COMMD10: variants seen among roughly 807,000 people sequenced by gnomAD.
COMMD10 encodes the protein COMM domain containing 10, also known as COMM domain-containing protein 10.
In COMMD10, 33 loss-of-function variants were observed where a neutral mutation model predicts 28.9. The observed-to-expected ratio is 1.14, with a 90% CI of 0.87 to 1.53. COMMD10 has a LOEUF of 1.53. Among genes scored for constraint, COMMD10 ranks in the 40% most tolerant of loss-of-function variants. The probability of loss-of-function intolerance (pLI) is 0.00; values close to 1 mark genes in which losing one functional copy is unlikely to be tolerated. For synonymous variants in COMMD10, 110 were observed against 81.7 expected, an observed-to-expected ratio of 1.35 and a Z score of -1.87; for missense variants, 310 against 233.4, an observed-to-expected ratio of 1.33 and a Z score of -2.14.
At chr5:116,174,588 G>A (rs1455214073) in intron 5 of COMMD10, among the ~76,000 whole-genome samples, 2 of 150,686 alleles carry the variant, frequency 1.3e-5, no homozygotes, top group Admixed American at 6.6e-5. Context: ...TGATGATGGT[G>A]GAGGTAGTGA....
At chr5:116,095,316 T>A (rs1195841597) in intron 4 of COMMD10, among the ~76,000 whole-genome samples, 1 of 152,216 alleles carries the variant, frequency 6.6e-6, no homozygotes, top group Non-Finnish European at 1.5e-5. Context: ...TATGTATTGA[T>A]TAACAAATAG....
At position 116,179,992 on chromosome 5, in the gene COMMD10, G is replaced by T. The variant is rs113918926; in HGVS notation, c.510+45814G>T. Among the ~76,000 whole-genome samples the T allele has an allele frequency of 2.0e-3, 311 of 151,934 alleles. 4 individuals are homozygous for T. Among genetic ancestry groups the T allele is most frequent in the African/African-American group, 7.1e-3 (293 of 41,444 alleles). ...AGAAATAAAATAACTTGGAAGGAGG[G>T]CTGGGATGAATTGAGGTTTTTTGTT... On this transcript the variant is annotated intron_variant, in intron 5 of 6. Coordinates refer to ENST00000274458, the MANE Select transcript of COMMD10 (RefSeq NM_016144.4).
chr5:116,249,125 T>C (rs1296340406), intron 5 of COMMD10, among the ~76,000 whole-genome samples: 1 of 151,982 alleles, frequency 6.6e-6, no homozygotes, highest in African/African-American at 2.4e-5. Context: ...GTCATATTTT[T>C]CATCATAAAT....
intron 5 of COMMD10, among the ~76,000 whole-genome samples, chr5:116,259,696 A>G (rs556083042): frequency 5.9e-5 from 9 of 151,840 alleles, no homozygotes; most frequent in Admixed American, 1.3e-4. Flanking sequence ...ACTGCAGGGC[A>G]AAAGAAGTGG....
At chr5:116,186,225 ATTGT>A (rs1748132320) in intron 5 of COMMD10, among the ~76,000 whole-genome samples, 1 of 152,132 alleles carries the variant, frequency 6.6e-6, no homozygotes, top group Non-Finnish European at 1.5e-5. Flanking sequence ...TTTTAAACAA[ATTGT>A]TTATTTTCAT....
At chr5:116,127,029 G>T (rs532830397) in intron 4 of COMMD10, among the ~76,000 whole-genome samples, 124 of 152,284 alleles carry the variant, frequency 8.1e-4, no homozygotes, top group African/African-American at 2.8e-3. Context: ...CTACCCAACT[G>T]ACAAAGGGCT....
intron 4 of COMMD10, among the ~76,000 whole-genome samples, chr5:116,108,748 C>G (rs575436943): frequency 1.2e-3 from 176 of 151,470 alleles, no homozygotes; most frequent in African/African-American, 4.1e-3. Flanking sequence ...AACAAACAAA[C>G]AAACTCCTGC....
intron 5 of COMMD10, among the ~76,000 whole-genome samples, chr5:116,185,176 T>C (rs1297151104): frequency 6.6e-6 from 1 of 152,122 alleles, no homozygotes; most frequent in Non-Finnish European, 1.5e-5. Flanking sequence ...TCTTAACCTA[T>C]GTGATCCACA....
intron 5 of COMMD10, among the ~76,000 whole-genome samples, chr5:116,268,205 CA>C (rs1750649484): frequency 6.6e-6 from 1 of 151,968 alleles, no homozygotes; most frequent in East Asian, 1.9e-4. Context: ...ACCCATCTGA[CA>C]AAGGGCTAAT....
At chr5:116,122,660 G>T (rs935890395) in intron 4 of COMMD10, among the ~76,000 whole-genome samples, 1 of 152,148 alleles carries the variant, frequency 6.6e-6, no homozygotes, top group African/African-American at 2.4e-5. Context: ...ATTTCATTGA[G>T]CAGTGGTTTG....
chr5:116,125,917 G>C (rs897782408), intron 4 of COMMD10, among the ~76,000 whole-genome samples: 4 of 152,118 alleles, frequency 2.6e-5, no homozygotes, highest in Non-Finnish European at 5.9e-5. Flanking sequence ...AGTGTTGGAA[G>C]TTCTGGCCAG....
At chr5:116,132,764 A>G (rs1751899752) in intron 4 of COMMD10, among the ~76,000 whole-genome samples, 2 of 152,164 alleles carry the variant, frequency 1.3e-5, no homozygotes, top group Non-Finnish European at 2.9e-5. Flanking sequence ...GGCTGGTATC[A>G]GAGACTATGC....
At chr5:116,148,739 T>C (rs1376645138) in intron 5 of COMMD10, among the ~76,000 whole-genome samples, 2 of 151,822 alleles carry the variant, frequency 1.3e-5, no homozygotes, top group Non-Finnish European at 2.9e-5. Context: ...AATTGAAAAC[T>C]TTTGTGTATC....
chr5:116,089,257 CTATGAGGTAA>C (rs1231005984), intron 2 of COMMD10, among the ~76,000 whole-genome samples: 3 of 152,136 alleles, frequency 2.0e-5, no homozygotes, highest in Admixed American at 6.5e-5. Flanking sequence ...TTCATTTTAT[CTATGAGGTAA>C]CCAAGATAGA....
At chr5:116,178,288 T>C (rs1194869577) in intron 5 of COMMD10, among the ~76,000 whole-genome samples, 1 of 152,112 alleles carries the variant, frequency 6.6e-6, no homozygotes, top group African/African-American at 2.4e-5. Flanking sequence ...GCCTCTACTA[T>C]GTAACAAACA....
intron 2 of COMMD10, among the ~76,000 whole-genome samples, chr5:116,090,254 T>G (rs1358577600): frequency 6.6e-6 from 1 of 152,078 alleles, no homozygotes; most frequent in Non-Finnish European, 1.5e-5. Context: ...ACATGGAGAT[T>G]TTGTTTCTTT....
intron 4 of COMMD10, among the ~76,000 whole-genome samples, chr5:116,109,941 C>G (rs1288270687): frequency 6.6e-6 from 1 of 152,180 alleles, no homozygotes; most frequent in African/African-American, 2.4e-5. Context: ...GCATCCTTGT[C>G]TTGTCCAACG....
At chr5:116,132,950 C>T (rs1000706724) in intron 4 of COMMD10, among the ~76,000 whole-genome samples, 2 of 152,098 alleles carry the variant, frequency 1.3e-5, no homozygotes, top group African/African-American at 4.8e-5. Flanking sequence ...AGAACTGTAT[C>T]TTTATTTTCT....
intron 5 of COMMD10, among the ~76,000 whole-genome samples, chr5:116,209,199 A>G: frequency 6.6e-6 from 1 of 152,020 alleles, no homozygotes; most frequent in East Asian, 1.9e-4. Flanking sequence ...TTATAATTCC[A>G]TGTGGAAATT....
Sources: gnomAD v4.1 joint callset for allele counts (sites outside exome capture counted in the v4.1 genomes callset) on GRCh38, gnomAD v4.1.1 for gene constraint, MANE v1.5 for transcripts, NCBI Gene and HGNC (gene_info 2026-07-23, HGNC 2026-07-21) for gene names.